The following ACVR1B variants were observed in gnomAD, a reference collection of about 807,000 sequenced individuals.
ACVR1B encodes the protein activin receptor type-1B.
In ACVR1B, 15 loss-of-function variants were observed where a neutral mutation model predicts 55.6. The observed-to-expected ratio is 0.27, with a 90% CI of 0.18 to 0.42. The LOEUF is 0.42. ACVR1B is among the 10% of genes least tolerant of loss of function. ACVR1B has a pLI of 1.00. For missense variants in ACVR1B, 359 were observed against 670.1 expected, an observed-to-expected ratio of 0.54 and a Z score of 5.13; for synonymous variants, 247 against 254.6, an observed-to-expected ratio of 0.97 and a Z score of 0.28.
intron 4 of ACVR1B, among the ~76,000 whole-genome samples, chr12:51,981,520 C>T (rs1020522724): frequency 6.6e-6 from 1 of 152,102 alleles, no homozygotes; most frequent in Non-Finnish European, 1.5e-5. Flanking sequence ...CAGGGGGTCC[C>T]GTAAGCTTAT....
intron 4 of ACVR1B, among the ~76,000 whole-genome samples, chr12:51,983,067 A>G (rs1175620359): frequency 1.3e-5 from 2 of 151,994 alleles, no homozygotes; most frequent in East Asian, 3.9e-4. Context: ...TTCAAAACCC[A>G]CCTTAAGGCC....
At chr12:51,963,225 TTTTA>T (rs938548763) in intron 1 of ACVR1B, among the ~76,000 whole-genome samples, 74 of 152,008 alleles carry the variant, frequency 4.9e-4, no homozygotes, top group Admixed American at 1.4e-3. Context: ...TTAATTTTAA[TTTTA>T]TTTATTTATT....
At chr12:51,972,839 C>G (rs1177334511) in intron 1 of ACVR1B, among the ~76,000 whole-genome samples, 1 of 152,064 alleles carries the variant, frequency 6.6e-6, no homozygotes, top group Non-Finnish European at 1.5e-5. Flanking sequence ...TGGCCTTTCT[C>G]AGAGGACCCG....
At chr12:51,985,396 AT>A in intron 6 of ACVR1B, 48 bp downstream of exon 6, 5 of 1,565,516 alleles carry the variant, frequency 3.2e-6, no homozygotes, top group Non-Finnish European at 4.3e-6. Flanking sequence ...TCTACTGAGT[AT>A]CCCATCTGTG....
intron 1 of ACVR1B, among the ~76,000 whole-genome samples, chr12:51,973,200 G>T (rs1941778987): frequency 6.6e-6 from 1 of 152,216 alleles, no homozygotes; most frequent in South Asian, 2.1e-4. Flanking sequence ...CCCTCTAATT[G>T]GTGGGCTCTG....
intron 2 of ACVR1B, 45 bp downstream of exon 2, chr12:51,975,549 G>C: frequency 1.3e-6 from 2 of 1,589,428 alleles, no homozygotes; most frequent in Non-Finnish European, 1.7e-6. Context: ...CTTGGAGATA[G>C]GGTACCCCGT....
chr12:51,958,912 G>C (rs1483412986), intron 1 of ACVR1B, among the ~76,000 whole-genome samples: 1 of 152,146 alleles, frequency 6.6e-6, no homozygotes, highest in South Asian at 2.1e-4. Flanking sequence ...GATCCAAAGG[G>C]TCCCTTGACA....
At position 51,994,081 on chromosome 12, in the gene ACVR1B, C is replaced by T. The variant is rs1295599369; in HGVS notation, c.1489C>T (p.Leu497Phe). 1.5e-5 allele frequency: 24 copies of T among 1,613,924 alleles called. No homozygotes were observed. The highest frequency in any genetic ancestry group is 1.7e-5 in the Admixed American group (1 of 60,014). Reference sequence around the variant, plus strand: ...GCGCATCAAGAAGACCCTCTCCCAGCTCAGCGTGCAGGAAGACGTGAAGAT... The same window carrying T: ...GCGCATCAAGAAGACCCTCTCCCAGTTCAGCGTGCAGGAAGACGTGAAGAT... ...ALRIKKTLSQ[L>F]SVQEDVKI The change falls in exon 9 of 9, where the codon CTC becomes TTC. Residue 497 changes from leucine (L) to phenylalanine (F), a missense_variant. By Grantham distance (22) the Leu-to-Phe change is conservative (BLOSUM62 0). This residue lies in a region of ACVR1B where 53 missense variants were observed against 78.5 expected (regional missense o/e 0.68). Coordinates refer to ENST00000257963, the MANE Select transcript of ACVR1B (RefSeq NM_004302.5). The surrounding 1 kb of genome is among the most constrained non-coding windows in gnomAD (Gnocchi z 4.2).
At position 51,978,558 on chromosome 12, in the gene ACVR1B, G is replaced by A. The variant is rs1299354387; in HGVS notation, c.580+1983G>A. Among the ~76,000 whole-genome samples the A allele has an allele frequency of 9.9e-5, 15 of 152,150 alleles. No individual in the cohort carries two copies. The East Asian group carries it at 2.3e-3, about 23-fold the overall frequency. On this transcript the variant is annotated intron_variant, in intron 3 of 8. Transcript: ENST00000257963. ...GAAAGAGCCTGACCCGGCCAGGCGC[G>A]GTGGCTCACGCCTGTAATCCCAGCA...
intron 1 of ACVR1B, among the ~76,000 whole-genome samples, chr12:51,956,031 G>A (rs1022823859): frequency 1.3e-5 from 2 of 152,220 alleles, no homozygotes; most frequent in African/African-American, 4.8e-5. Context: ...CTCTGTTATG[G>A]AGAAATGGTG....
At chr12:51,975,222 A>G (rs1304383735) in intron 1 of ACVR1B, 43 bp from the exon 2 acceptor site, 5 of 1,584,816 alleles carry the variant, frequency 3.2e-6, no homozygotes, top group Non-Finnish European at 2.6e-6. Flanking sequence ...CCTGCAAAAG[A>G]TCTCACCATT....
chr12:51,967,197 G>A (rs898682498), intron 1 of ACVR1B, among the ~76,000 whole-genome samples: 1 of 151,818 alleles, frequency 6.6e-6, no homozygotes, highest in Non-Finnish European at 1.5e-5. Context: ...CAGAGATTGT[G>A]CCACTGCACT....
Position 51,976,310 on chromosome 12 carries a change from T to A in ACVR1B, c.332-17T>A. 1 of 1,613,612 alleles carries A rather than the reference T, an allele frequency of 6.2e-7. No individual in the cohort carries two copies. Among genetic ancestry groups the A allele is most frequent in the South Asian group, 1.1e-5 (1 of 91,070 alleles). ...TTTACTTCTCATTCTTTCCCTCTCC[T>A]CTCTCACTTGACTCAGGTCACCTCA... On this transcript the variant is annotated splice_polypyrimidine_tract_variant and intron_variant, in intron 2 of 8. Transcript: ENST00000257963.
rs1942204491 is a variant in ACVR1B at position 51,992,132 on chromosome 12, A to G, written c.1392+139A>G. ...TATTTACTATTACGTGCTATTTTACATATCCCAAGCCCTTTAGGGCTACAG... is the reference window on the plus strand; with the variant it reads ...TATTTACTATTACGTGCTATTTTACGTATCCCAAGCCCTTTAGGGCTACAG... On this transcript the variant is annotated intron_variant, in intron 8 of 8. Coordinates refer to ENST00000257963, the MANE Select transcript of ACVR1B (RefSeq NM_004302.5). The G allele has an allele frequency of 7.9e-6, 9 of 1,144,724 alleles. No individual in the cohort carries two copies. In the South Asian group the frequency reaches 1.3e-4, roughly 17 times the overall value. The allele number at this position is 1,144,724 out of a possible 1,614,324, so 70.9% of individuals were successfully genotyped here.
At chr12:51,983,870 G>T (rs1160577794) in intron 4 of ACVR1B, 129 bp from the exon 5 acceptor site, 4 of 884,744 alleles carry the variant, frequency 4.5e-6, no homozygotes, top group Non-Finnish European at 7.1e-6. Flanking sequence ...GCTTCAGGGG[G>T]CATGGAGGTG....
intron 1 of ACVR1B, 37 bp downstream of exon 1, chr12:51,951,871 G>C: frequency 8.2e-7 from 1 of 1,212,790 alleles, no homozygotes; most frequent in Non-Finnish European, 1.0e-6. Context: ...CCGGGATGGA[G>C]AGGGCCCGGC....
At chr12:51,953,993 C>A (rs1941361540) in intron 1 of ACVR1B, among the ~76,000 whole-genome samples, 1 of 152,210 alleles carries the variant, frequency 6.6e-6, no homozygotes. Context: ...CAGGACACGT[C>A]TAGTTGCCAA....
At chr12:51,970,414 G>T (rs909399392) in intron 1 of ACVR1B, among the ~76,000 whole-genome samples, 1 of 152,202 alleles carries the variant, frequency 6.6e-6, no homozygotes, top group Non-Finnish European at 1.5e-5. Flanking sequence ...GCCTCAGCTC[G>T]TGAGTTCCTG....
rs1942257743 is a variant in ACVR1B, at chr12:51,994,332, G to A, written c.*222G>A. On this transcript the variant is annotated 3_prime_UTR_variant, in exon 9 of 9. Transcript: ENST00000257963. This position sits in a 1 kb window ranked among gnomAD's most constrained non-coding sequence, Gnocchi z 4.2. ...CCTCCTAATGGCATGGAGACTCTGA[G>A]AGCGAATTGTGTGGAGAACTCAGTG... is the stretch of plus-strand genomic sequence containing the variant. The A allele has an allele frequency of 3.7e-6, 2 of 535,804 alleles. No homozygotes were observed. Among genetic ancestry groups the A allele is most frequent in the Non-Finnish European group, 6.6e-6 (2 of 305,226 alleles). 33.2% of individuals were successfully genotyped at this position (535,804 alleles called of 1,614,324 possible).
Sources: allele counts gnomAD v4.1 joint callset (sites outside exome capture counted in the v4.1 genomes callset), GRCh38; gene constraint gnomAD v4.1.1; regional missense constraint gnomAD v4.1.1; non-coding constraint Gnocchi (gnomAD v3.1); transcripts MANE v1.5; gene names NCBI Gene and HGNC (gene_info 2026-07-23, HGNC 2026-07-21).